KCNJ6: variants seen among roughly 807,000 people sequenced by gnomAD.
The protein encoded by KCNJ6 is G protein-activated inward rectifier potassium channel 2.
In KCNJ6, 9 loss-of-function variants were observed where a neutral mutation model predicts 34.2. That is an observed-to-expected ratio of 0.26 (90% confidence interval 0.16 to 0.46). The LOEUF (loss-of-function observed/expected upper bound fraction) is 0.46. Among genes scored for constraint, KCNJ6 ranks in the 20% least tolerant of loss-of-function variants. KCNJ6 has a pLI of 1.00. For synonymous variants in KCNJ6, 196 were observed against 207.1 expected (o/e 0.95, Z 0.46); for missense variants, 236 against 531.3 (o/e 0.44, Z 5.46).
intron 2 of KCNJ6, among the ~76,000 whole-genome samples, chr21:37,818,943 AAC>A (rs1205020909): frequency 6.6e-6 from 1 of 152,206 alleles, no homozygotes; most frequent in East Asian, 1.9e-4. Flanking sequence ...CAGAAATATT[AAC>A]AGACAGGATA....
At chr21:37,683,520 A>G (rs754225647) in intron 3 of KCNJ6, among the ~76,000 whole-genome samples, 1 of 151,678 alleles carries the variant, frequency 6.6e-6, no homozygotes, top group Non-Finnish European at 1.5e-5. Flanking sequence ...TTTAGTTTTT[A>G]TTTGCGCATT....
intron 3 of KCNJ6, among the ~76,000 whole-genome samples, chr21:37,674,455 C>T (rs925863446): frequency 6.6e-6 from 1 of 152,062 alleles, no homozygotes; most frequent in African/African-American, 2.4e-5. Context: ...ACAAAGCTCT[C>T]CCTGGCCTGG....
chr21:37,824,002 C>T (rs1185801978), intron 2 of KCNJ6, among the ~76,000 whole-genome samples: 1 of 270 alleles, frequency 3.7e-3, no homozygotes, highest in Admixed American at 0.025. Context: ...GATATGCTAA[C>T]TAGCTTGATT....
intron 3 of KCNJ6, among the ~76,000 whole-genome samples, chr21:37,635,244 A>G (rs1210155216): frequency 6.6e-6 from 1 of 151,852 alleles, no homozygotes; most frequent in Non-Finnish European, 1.5e-5. Context: ...TTTGAGATGG[A>G]GTCTTACTCT....
At chr21:37,648,361 G>A (rs995523486) in intron 3 of KCNJ6, among the ~76,000 whole-genome samples, 6 of 152,132 alleles carry the variant, frequency 3.9e-5, no homozygotes, top group African/African-American at 7.2e-5. Flanking sequence ...TGGACTTCTC[G>A]GAAAGATGAT....
At chr21:37,709,496 G>A (rs537155097) in intron 3 of KCNJ6, among the ~76,000 whole-genome samples, 5 of 149,018 alleles carry the variant, frequency 3.4e-5, no homozygotes, top group Admixed American at 6.8e-5. Flanking sequence ...CCTGGGCAAC[G>A]AGAGCAAAAC....
intron 3 of KCNJ6, among the ~76,000 whole-genome samples, chr21:37,692,404 T>C (rs749769290): frequency 1.3e-5 from 2 of 152,102 alleles, no homozygotes; most frequent in South Asian, 2.1e-4. Flanking sequence ...GGATTTAAAG[T>C]AGACAGAAGA....
At chr21:37,881,452 G>A (rs982051667) in intron 1 of KCNJ6, among the ~76,000 whole-genome samples, 5 of 145,636 alleles carry the variant, frequency 3.4e-5, no homozygotes, top group African/African-American at 1.3e-4. Flanking sequence ...ATCTTCACTT[G>A]GCCTTTCCTC....
At chr21:37,651,296 G>A (rs745474555) in intron 3 of KCNJ6, among the ~76,000 whole-genome samples, 5 of 152,176 alleles carry the variant, frequency 3.3e-5, no homozygotes, top group Admixed American at 1.3e-4. Context: ...AGAGGAGAGC[G>A]GGGGCCCACA....
intron 1 of KCNJ6, among the ~76,000 whole-genome samples, chr21:37,862,131 C>T (rs936755293): frequency 1.3e-5 from 2 of 152,190 alleles, no homozygotes; most frequent in African/African-American, 4.8e-5. Flanking sequence ...GTGTCAGAAT[C>T]GCCAGTGGTT....
chr21:37,892,707 G>A (rs1055203005), intron 1 of KCNJ6, among the ~76,000 whole-genome samples: 9 of 152,178 alleles, frequency 5.9e-5, no homozygotes, highest in Non-Finnish European at 1.2e-4. Flanking sequence ...GGCTTAGGAT[G>A]TCTATGGCAA....
chr21:37,749,144 G>T (rs1019284789), intron 2 of KCNJ6, among the ~76,000 whole-genome samples: 2 of 152,124 alleles, frequency 1.3e-5, no homozygotes, highest in South Asian at 4.1e-4. Flanking sequence ...TTCTGAGCTG[G>T]GGCATGGGGT....
chr21:37,667,607 G>A (rs1426138368), intron 3 of KCNJ6, among the ~76,000 whole-genome samples: 2 of 150,854 alleles, frequency 1.3e-5, no homozygotes, highest in East Asian at 1.9e-4. Flanking sequence ...CCAGGGTAGC[G>A]GGGTCTGGGG....
At chr21:37,860,801 A>G (rs144033427) in intron 1 of KCNJ6, among the ~76,000 whole-genome samples, 1 of 152,158 alleles carries the variant, frequency 6.6e-6, no homozygotes, top group Non-Finnish European at 1.5e-5. Flanking sequence ...TATCTAGCAT[A>G]GTTCCCATCT....
At chr21:37,735,924 C>G (rs2054910556) in intron 2 of KCNJ6, among the ~76,000 whole-genome samples, 1 of 152,204 alleles carries the variant, frequency 6.6e-6, no homozygotes, top group South Asian at 2.1e-4. Flanking sequence ...GGAGCCCCAT[C>G]TATGGGATGA....
At chr21:37,703,661 C>T (rs761695572) in intron 3 of KCNJ6, among the ~76,000 whole-genome samples, 52 of 152,320 alleles carry the variant, frequency 3.4e-4, no homozygotes, top group Non-Finnish European at 6.2e-4. Flanking sequence ...CTAACACCCT[C>T]CGTGCCCCCT....
chr21:37,721,038 A>C (rs1403314998), intron 2 of KCNJ6, among the ~76,000 whole-genome samples: 1 of 152,228 alleles, frequency 6.6e-6, no homozygotes, highest in Non-Finnish European at 1.5e-5. Context: ...ACATCTGATA[A>C]GGGACTGGGA....
At position 37,615,762 on chromosome 21, in the gene KCNJ6, C is replaced by A. The variant is rs1261463034; in HGVS notation, c.*9397G>T. 1 of 152,106 alleles carries A rather than the reference C, an allele frequency of 6.6e-6. No homozygotes were observed. The highest frequency in any genetic ancestry group is 2.1e-4 in the South Asian group (1 of 4,820). The allele number at this position is 152,106 out of a possible 1,614,324, so 9.4% of individuals were successfully genotyped here. On this transcript the variant is annotated 3_prime_UTR_variant, in exon 4 of 4. Transcript: ENST00000609713. ...TATTAAAACACTCCCTGTTCTGGAC[C>A]AATCTTAATCTTCTAGGCAGAATTT... is the stretch of plus-strand genomic sequence containing the variant.
chr21:37,625,972 A>C (rs2054308880), intron 3 of KCNJ6, among the ~76,000 whole-genome samples: 1 of 152,182 alleles, frequency 6.6e-6, no homozygotes, highest in Non-Finnish European at 1.5e-5. Context: ...GCCACAGATC[A>C]GTGTTACCCT....
Sources: allele counts gnomAD v4.1 joint callset (sites outside exome capture counted in the v4.1 genomes callset), GRCh38; gene constraint gnomAD v4.1.1; transcripts MANE v1.5; gene names NCBI Gene and HGNC (gene_info 2026-07-23, HGNC 2026-07-21).